Variants in PAG1 observed in about 807,000 individuals in gnomAD.
PAG1 encodes phosphoprotein associated with glycosphingolipid-enriched microdomains 1.
In PAG1, 23 loss-of-function variants were observed where a neutral mutation model predicts 31.7. That is an observed-to-expected ratio of 0.73 (90% CI 0.52 to 1.03). PAG1 has a LOEUF of 1.03. Ranked by LOEUF, PAG1 falls within the 50% of genes least tolerant of loss-of-function variation. PAG1 has a pLI of 0.00. For missense variants in PAG1, 473 were observed against 540.7 expected (o/e 0.87, Z 1.24); for synonymous variants, 214 against 210.3 (o/e 1.02, Z -0.15).
chr8:80,997,485 G>A (rs143365166), intron 3 of PAG1, among the ~76,000 whole-genome samples: 164 of 152,106 alleles, frequency 1.1e-3, no homozygotes, highest in Middle Eastern at 6.8e-3. Flanking sequence ...TTGCCAGGCC[G>A]GTATTGAACT....
At chr8:81,080,211 G>C (rs1194405601) in intron 1 of PAG1, among the ~76,000 whole-genome samples, 1 of 152,150 alleles carries the variant, frequency 6.6e-6, no homozygotes, top group Non-Finnish European at 1.5e-5. Flanking sequence ...TATTGAAGGA[G>C]ATATATTCTA....
At chr8:81,046,314 T>C (rs1313446507) in intron 2 of PAG1, among the ~76,000 whole-genome samples, 2 of 152,218 alleles carry the variant, frequency 1.3e-5, no homozygotes, top group African/African-American at 4.8e-5. Context: ...AAGCATTGGA[T>C]GACTAAAAGC....
intron 1 of PAG1, among the ~76,000 whole-genome samples, chr8:81,087,418 T>C (rs1484463282): frequency 6.6e-6 from 1 of 150,726 alleles, no homozygotes; most frequent in Admixed American, 6.6e-5. Context: ...ACGCCTAAAA[T>C]ATTTAGTACC....
chr8:81,032,767 CAT>C (rs1808397526), intron 2 of PAG1, among the ~76,000 whole-genome samples: 1 of 152,194 alleles, frequency 6.6e-6, no homozygotes. Context: ...AAAACTTGCA[CAT>C]AGATATTCAC....
At chr8:81,083,563 T>A (rs897559958) in intron 1 of PAG1, among the ~76,000 whole-genome samples, 5 of 151,450 alleles carry the variant, frequency 3.3e-5, no homozygotes, top group Admixed American at 2.0e-4. Flanking sequence ...TGAGGCCACA[T>A]TTTTTTTTCT....
intron 1 of PAG1, among the ~76,000 whole-genome samples, chr8:81,079,214 A>G (rs1809225617): frequency 6.6e-6 from 1 of 151,968 alleles, no homozygotes; most frequent in Non-Finnish European, 1.5e-5. Context: ...TTCTGCATTG[A>G]TATAGGAGCC....
chr8:81,016,927 G>A (rs1336795262), intron 3 of PAG1, among the ~76,000 whole-genome samples: 2 of 152,288 alleles, frequency 1.3e-5, no homozygotes, highest in African/African-American at 2.4e-5. Context: ...GCTGATGACT[G>A]AGAGGCCAAA....
At chr8:81,091,484 G>A (rs1258064573) in intron 1 of PAG1, among the ~76,000 whole-genome samples, 1 of 152,136 alleles carries the variant, frequency 6.6e-6, no homozygotes. Flanking sequence ...AGATGGTATA[G>A]TGTACTACAT....
chr8:81,000,410 C>G (rs1349797837), intron 3 of PAG1, among the ~76,000 whole-genome samples: 2 of 152,154 alleles, frequency 1.3e-5, no homozygotes, highest in African/African-American at 4.8e-5. Context: ...CTAAGAGTGT[C>G]TTAAGGCAAA....
intron 1 of PAG1, among the ~76,000 whole-genome samples, chr8:81,109,016 G>T (rs542660208): frequency 6.6e-6 from 1 of 151,586 alleles, no homozygotes; most frequent in African/African-American, 2.4e-5. Context: ...GCAGCTACAC[G>T]TGCAGGCAGG....
chr8:81,097,638 G>T (rs1471132257), intron 1 of PAG1, among the ~76,000 whole-genome samples: 1 of 151,524 alleles, frequency 6.6e-6, no homozygotes, highest in Non-Finnish European at 1.5e-5. Flanking sequence ...AAATGGCAAT[G>T]ATTCAATTTC....
chr8:81,066,987 C>A (rs1234067743), intron 2 of PAG1, among the ~76,000 whole-genome samples: 1 of 151,692 alleles, frequency 6.6e-6, no homozygotes, highest in African/African-American at 2.4e-5. Context: ...ATGGTGAGAC[C>A]CCATCTCTAC....
intron 1 of PAG1, among the ~76,000 whole-genome samples, chr8:81,080,170 C>T (rs745765691): frequency 3.3e-5 from 5 of 152,094 alleles, no homozygotes; most frequent in East Asian, 1.9e-4. Flanking sequence ...ACAGTGACTG[C>T]GCAATACTCA....
intron 3 of PAG1, among the ~76,000 whole-genome samples, chr8:81,001,450 G>C (rs187304106): frequency 6.6e-6 from 1 of 152,300 alleles, no homozygotes; most frequent in East Asian, 1.9e-4. Flanking sequence ...CTTGATGGGG[G>C]CACAAGGAAC....
rs1586140397 is a variant in PAG1 at position 80,982,334 on chromosome 8, CT to C, written c.877-1841del. Among the ~76,000 whole-genome samples, 8 of 152,204 alleles carry C rather than the reference CT, an allele frequency of 5.3e-5. 1 individual carries two copies. ...ACCAATGAGACTCGCCTTCCCTGAC[CT>C]ACCCGCTGCATTTGGCAGAGCGGCC... On this transcript the variant is annotated intron_variant, in intron 7 of 8. Coordinates refer to ENST00000220597, the MANE Select transcript of PAG1 (RefSeq NM_018440.4).
At chr8:81,080,873 C>A (rs902576031) in intron 1 of PAG1, among the ~76,000 whole-genome samples, 3 of 152,096 alleles carry the variant, frequency 2.0e-5, no homozygotes, top group Admixed American at 2.0e-4. Flanking sequence ...GAATTTCAGT[C>A]TCACAGCTAT....
intron 3 of PAG1, among the ~76,000 whole-genome samples, chr8:81,023,223 T>C (rs1808218436): frequency 6.6e-6 from 1 of 152,168 alleles, no homozygotes; most frequent in Non-Finnish European, 1.5e-5. Flanking sequence ...TATTTAACAG[T>C]GATGTGCTAC....
chr8:81,002,292 G>A (rs1807800298), intron 3 of PAG1, among the ~76,000 whole-genome samples: 2 of 151,382 alleles, frequency 1.3e-5, no homozygotes, highest in Non-Finnish European at 2.9e-5. Flanking sequence ...TGTACCACTT[G>A]ACACAAATGC....
intron 1 of PAG1, among the ~76,000 whole-genome samples, chr8:81,089,788 G>A (rs995013038): frequency 5.9e-5 from 9 of 152,238 alleles, no homozygotes; most frequent in East Asian, 5.8e-4. Flanking sequence ...AGGGTTGTTA[G>A]TGCCTCTGCT....
Sources: gnomAD v4.1 joint callset for allele counts (sites outside exome capture counted in the v4.1 genomes callset) on GRCh38, gnomAD v4.1.1 for gene constraint, MANE v1.5 for transcripts, NCBI Gene and HGNC (gene_info 2026-07-23, HGNC 2026-07-21) for gene names.